The following APOB variants were observed in gnomAD, a reference collection of about 807,000 sequenced individuals.
APOB encodes apolipoprotein B, also known as apolipoprotein B-100.
Under a neutral mutation model 314.1 loss-of-function variants are expected in APOB, and 153 were observed. The observed-to-expected ratio is 0.49, with a 90% CI of 0.43 to 0.56. The LOEUF (loss-of-function observed/expected upper bound fraction) is 0.56, where lower values mean the gene tolerates loss of function less well. APOB is among the 20% of genes least tolerant of loss of function. The pLI is 0.00. For missense variants in APOB, 5,430 were observed against 5,350.7 expected (o/e 1.01, Z -0.46); for synonymous variants, 2,087 against 2,036.4 (o/e 1.02, Z -0.67).
intron 3 of APOB, among the ~76,000 whole-genome samples, chr2:21,041,389 G>T (rs1044964997): frequency 6.6e-6 from 1 of 152,226 alleles, no homozygotes; most frequent in Admixed American, 6.5e-5. Flanking sequence ...ATTATAAAGA[G>T]CTGTGGTTAA....
chr2:21,012,775 CA>C, intron 25 of APOB, 124 bp from the exon 26 acceptor site: 1 of 1,015,258 alleles, frequency 9.8e-7, no homozygotes, highest in South Asian at 1.5e-5. Context: ...TAGACTCCTC[CA>C]TCTGTAATGC....
chr2:21,008,093 T>C lies in APOB; in HGVS notation c.8775A>G (p.Gly2925=), dbSNP rs1663198801. ...KAGHIAWTSS[G]KGSWKWACPR... ...GGCAGGCCCATTTCCATGACCCTTTTCCAGAAGAAGTCCATGCTATGTGGC... is the reference window on the plus strand; with the variant it reads ...GGCAGGCCCATTTCCATGACCCTTTCCCAGAAGAAGTCCATGCTATGTGGC... Residue 2925 remains glycine (G), a synonymous_variant, in exon 26 of 29, where the codon GGA becomes GGG. Transcript: ENST00000233242. 1 of 1,614,106 alleles carries C rather than the reference T, an allele frequency of 6.2e-7. No homozygotes were observed. The highest frequency in any genetic ancestry group is 1.3e-5 in the African/African-American group (1 of 75,046).
chr2:21,038,594 C>G (rs1350436821), intron 4 of APOB, among the ~76,000 whole-genome samples: 1 of 152,214 alleles, frequency 6.6e-6, no homozygotes. Context: ...CCTCGGCCTC[C>G]CAAAGTGCTG....
At chr2:21,016,848 T>TAG (rs1663482690) in intron 20 of APOB, among the ~76,000 whole-genome samples, 199 bp from the exon 21 acceptor site, 4 of 151,628 alleles carry the variant, frequency 2.6e-5, no homozygotes, top group Admixed American at 2.6e-4. Flanking sequence ...GCCGGGCGCG[T>TAG]TGGTGGGTGC....
rs768940377 is a variant in APOB at position 21,010,039 on chromosome 2, C to G, written c.6829G>C (p.Asp2277His). 1.2e-6 allele frequency: 2 copies of G among 1,613,494 alleles called. No homozygotes were observed. Among genetic ancestry groups the G allele is most frequent in the Non-Finnish European group, 1.7e-6 (2 of 1,179,908 alleles). ...AACTTTCCAGCTAGGTGCTGGATGTCTATATTCTGTATGTGTCTCTTAAGC... is the reference window on the plus strand; with the variant it reads ...AACTTTCCAGCTAGGTGCTGGATGTGTATATTCTGTATGTGTCTCTTAAGC... ...QQLKRHIQNIDIQHLAGKLKQ... is the reference protein window; with the variant it reads ...QQLKRHIQNIHIQHLAGKLKQ... The change falls in exon 26 of 29, where the codon GAC (aspartate) becomes CAC (histidine). Residue 2277 changes from aspartate (D) to histidine (H), a missense_variant. Around this residue, in one of 3 missense-constraint regions of APOB, gnomAD observed 3,281 missense variants for 3,171.0 expected, o/e 1.03. Coordinates refer to ENST00000233242, the MANE Select transcript of APOB (RefSeq NM_000384.3).
intron 20 of APOB, 104 bp from the exon 21 acceptor site, chr2:21,016,753 G>A (rs891503988): frequency 3.8e-5 from 29 of 764,494 alleles, no homozygotes; most frequent in Non-Finnish European, 6.6e-5. Flanking sequence ...GGGAGGCCAA[G>A]GCGGGCAGAT....
At chr2:21,040,322 A>T (rs973973540) in intron 4 of APOB, among the ~76,000 whole-genome samples, 15 of 152,220 alleles carry the variant, frequency 9.9e-5, no homozygotes, top group Admixed American at 1.3e-4. Flanking sequence ...GAGTTTTCTG[A>T]TGCTACCAAG....
chr2:21,004,151 T>A, intron 28 of APOB, 118 bp downstream of exon 28: 1 of 1,056,934 alleles, frequency 9.5e-7, no homozygotes, highest in Non-Finnish European at 1.4e-6. Flanking sequence ...AGAAGTTGCT[T>A]ACCGCCTGTC....
Position 21,012,242 on chromosome 2 carries a change from G to A in APOB, c.4626C>T (p.Leu1542=), listed in dbSNP as rs949113912. ...GCAGATCAGAGGTGGAGGTGAGGGAGAGGGTTCCATCTTCATATCTTCCTG... is the reference window on the plus strand; with the variant it reads ...GCAGATCAGAGGTGGAGGTGAGGGAAAGGGTTCCATCTTCATATCTTCCTG... ...QITGRYEDGT[L]SLTSTSDLQS... The change falls in exon 26 of 29, where the codon CTC becomes CTT. Residue 1542 remains leucine (L), a synonymous_variant. Transcript: ENST00000233242. The A allele has an allele frequency of 6.2e-7, 1 of 1,611,092 alleles. No homozygotes were observed. The highest frequency in any genetic ancestry group is 8.5e-7 in the Non-Finnish European group (1 of 1,177,612).
rs1664151097 is a variant in APOB at position 21,042,356 on chromosome 2, CA to C, written c.237+4del. 6.2e-7 allele frequency: 1 copy of C among 1,610,026 alleles called. No homozygotes were observed. Among genetic ancestry groups the C allele is most frequent in the Non-Finnish European group, 8.5e-7 (1 of 1,176,578 alleles). Reference sequence around the variant, plus strand: ...CTAGGTCCCTCCTGCCTGCATCCTCCATACCTTGCAGTTGATCCTGGTGGCA... The same window carrying C: ...CTAGGTCCCTCCTGCCTGCATCCTCCTACCTTGCAGTTGATCCTGGTGGCA... On this transcript the variant is annotated splice_donor_region_variant and intron_variant, in intron 3 of 28. Transcript: ENST00000233242.
At position 21,012,062 on chromosome 2, in the gene APOB, A is replaced by G. The variant is rs1359376999; in HGVS notation, c.4806T>C (p.Tyr1602=). The G allele has an allele frequency of 1.2e-6, 2 of 1,614,124 alleles. No individual in the cohort carries two copies. The highest frequency in any genetic ancestry group is 2.7e-5 in the African/African-American group (2 of 74,936). The change falls in exon 26 of 29, where the codon TAT becomes TAC. Residue 1602 remains tyrosine, a synonymous_variant. Coordinates refer to ENST00000233242, the MANE Select transcript of APOB (RefSeq NM_000384.3). Reference sequence around the variant, plus strand: ...ACCTCAATGACTCGTAATCAGCCTGATATTCAGAACGCAGCAGTGCATTTT... The same window carrying G: ...ACCTCAATGACTCGTAATCAGCCTGGTATTCAGAACGCAGCAGTGCATTTT... ...SKQNALLRSE[Y]QADYESLRFF... is the part of the protein sequence containing the mutation.
At position 21,008,711 on chromosome 2, in the gene APOB, T is replaced by C. The variant is rs751820836; in HGVS notation, c.8157A>G (p.Pro2719=). The change falls in exon 26 of 29, where the codon CCA becomes CCG. Residue 2719 remains proline (P), a synonymous_variant. Transcript: ENST00000233242. ...GGTTGAGAGTTGGGATTATGAATTC[T>C]GGAATTGCGATTTCTGGTAAACGGA... ...PDFRLPEIAI[P]EFIIPTLNLN... 1 of 1,614,146 alleles carries C rather than the reference T, an allele frequency of 6.2e-7. No individual in the cohort carries two copies. Among genetic ancestry groups the C allele is most frequent in the East Asian group, 2.2e-5 (1 of 44,878 alleles).
intron 7 of APOB, among the ~76,000 whole-genome samples, chr2:21,035,351 C>A (rs1208945194): frequency 6.6e-6 from 1 of 152,132 alleles, no homozygotes; most frequent in Non-Finnish European, 1.5e-5. Flanking sequence ...GATCTACAGC[C>A]CTTAAAGAAT....
chr2:21,043,336 G>T (rs181809239), intron 2 of APOB, among the ~76,000 whole-genome samples, 177 bp downstream of exon 2: 41 of 151,960 alleles, frequency 2.7e-4, no homozygotes, highest in African/African-American at 9.6e-4. Context: ...CCAGGTAGAA[G>T]AGAGTTGGCA....
In APOB at chr2:21,033,450, C is replaced by A; in HGVS notation, c.973G>T (p.Val325Phe). ...STSPPKQAEA[V>F]LKTLQELKKL... is the part of the protein sequence containing the mutation. ...TTCAGTTCCTGGAGAGTCTTCAAAA[C>A]AGCTTCGGCCTGCTTTGGAGGTGAT... Residue 325 changes from valine to phenylalanine, a missense_variant, in exon 9 of 29, where the codon GTT becomes TTT. Physicochemically the swap from Val to Phe is conservative, Grantham distance 50. This residue lies in a region of APOB where 2,085 missense variants were observed against 2,079.7 expected (regional missense o/e 1.00). Transcript: ENST00000233242. The A allele has an allele frequency of 6.2e-7, 1 of 1,614,170 alleles. No individual in the cohort carries two copies. The highest frequency in any genetic ancestry group is 8.5e-7 in the Non-Finnish European group (1 of 1,180,034).
chr2:21,037,327 G>T, intron 5 of APOB, 72 bp from the exon 6 acceptor site: 2 of 1,437,892 alleles, frequency 1.4e-6, no homozygotes, highest in Non-Finnish European at 9.7e-7. Context: ...GAGGGATGGG[G>T]TGGGGATCGT....
chr2:21,019,670 G>A, intron 19 of APOB, 53 bp downstream of exon 19: 4 of 1,556,096 alleles, frequency 2.6e-6, no homozygotes, highest in East Asian at 2.2e-5. Context: ...ATGCTAGGTG[G>A]CCATGATGTG....
intron 19 of APOB, among the ~76,000 whole-genome samples, 180 bp downstream of exon 19, chr2:21,019,543 G>T (rs894847477): frequency 3.9e-5 from 6 of 152,208 alleles, no homozygotes; most frequent in East Asian, 3.8e-4. Context: ...GCACAAGGAA[G>T]CAAAAGGTGA....
At position 21,016,491 on chromosome 2, in the gene APOB, G is replaced by C; in HGVS notation, c.3280C>G (p.Leu1094Val). 6.2e-7 allele frequency: 1 copy of C among 1,611,930 alleles called. No individual in the cohort carries two copies. Among genetic ancestry groups the C allele is most frequent in the South Asian group, 1.1e-5 (1 of 91,032 alleles). Residue 1094 changes from leucine (L) to valine (V), a missense_variant, in exon 21 of 29, where the codon CTG becomes GTG. Around this residue, in one of 3 missense-constraint regions of APOB, gnomAD observed 2,085 missense variants for 2,079.7 expected, o/e 1.00. Coordinates refer to ENST00000233242, the MANE Select transcript of APOB (RefSeq NM_000384.3). ...TEGKTSYRLT[L>V]DIQNKKITEV... Reference sequence around the variant, plus strand: ...GTAATTTTCTTGTTCTGAATGTCCAGGGTGAGTCTGTAAGACGTTTTGCCC... The same window carrying C: ...GTAATTTTCTTGTTCTGAATGTCCACGGTGAGTCTGTAAGACGTTTTGCCC...
Sources: allele counts gnomAD v4.1 joint callset (sites outside exome capture counted in the v4.1 genomes callset), GRCh38; gene constraint gnomAD v4.1.1; regional missense constraint gnomAD v4.1.1; transcripts MANE v1.5; gene names NCBI Gene and HGNC (gene_info 2026-07-23, HGNC 2026-07-21).